BFSP2: variants seen among roughly 807,000 people sequenced by gnomAD.
BFSP2 encodes the protein phakinin.
BFSP2 carries 38 observed loss-of-function variants against 44.9 expected under a neutral mutation model. That is an observed-to-expected ratio of 0.85 (90% CI 0.65 to 1.11). The LOEUF (loss-of-function observed/expected upper bound fraction) is 1.11, where lower values mean the gene tolerates loss of function less well. BFSP2 is among the 50% of genes least tolerant of loss of function. The probability of loss-of-function intolerance (pLI) is 0.00; values close to 1 mark genes in which losing one functional copy is unlikely to be tolerated. For missense variants in BFSP2, 525 were observed against 533.0 expected (o/e 0.99, Z 0.15); for synonymous variants, 197 against 209.9 (o/e 0.94, Z 0.53).
chr3:133,426,128 G>T (rs1576570342), intron 1 of BFSP2, among the ~76,000 whole-genome samples: 2 of 148,030 alleles, frequency 1.4e-5, no homozygotes, highest in South Asian at 2.2e-4. Flanking sequence ...TTTCTCTTGG[G>T]GACACTTTTC....
At chr3:133,439,906 G>C (rs113491680) in intron 1 of BFSP2, among the ~76,000 whole-genome samples, 13 of 151,862 alleles carry the variant, frequency 8.6e-5, no homozygotes, top group African/African-American at 3.2e-4. Flanking sequence ...GAGAGGGTGA[G>C]AGGTTAGAAA....
intron 4 of BFSP2, among the ~76,000 whole-genome samples, chr3:133,457,352 A>G (rs1233666439): frequency 6.6e-6 from 1 of 152,182 alleles, no homozygotes. Flanking sequence ...GTCTTTTTAA[A>G]TTGACTTTTA....
Position 133,411,899 on chromosome 3 carries a change from T to G in BFSP2, c.489+11327T>G, listed in dbSNP as rs185009531. On this transcript the variant is annotated intron_variant, in intron 1 of 6. Coordinates refer to ENST00000302334, the MANE Select transcript of BFSP2 (RefSeq NM_003571.4). Reference sequence around the variant, plus strand: ...CAGTAAAAGAGACTAAATTAACATATCAGCCCATCAAAATGGGCTTTATTT... The same window carrying G: ...CAGTAAAAGAGACTAAATTAACATAGCAGCCCATCAAAATGGGCTTTATTT... 2.0e-5 allele frequency among the ~76,000 whole-genome samples: 3 copies of G among 152,316 alleles called. No individual in the cohort carries two copies. The South Asian group carries it at 6.2e-4, about 32-fold the overall frequency.
intron 4 of BFSP2, among the ~76,000 whole-genome samples, chr3:133,457,585 G>A (rs1204951227): frequency 6.6e-6 from 1 of 152,018 alleles, no homozygotes; most frequent in Non-Finnish European, 1.5e-5. Context: ...TACACAAGTA[G>A]TATTCAGAAC....
chr3:133,411,841 G>A (rs1476747679), intron 1 of BFSP2, among the ~76,000 whole-genome samples: 3 of 152,014 alleles, frequency 2.0e-5, no homozygotes, highest in Non-Finnish European at 4.4e-5. Context: ...AAAATTGCAA[G>A]GGAAAGAAGC....
chr3:133,454,139 G>C (rs1453063048), intron 4 of BFSP2, among the ~76,000 whole-genome samples: 4 of 152,256 alleles, frequency 2.6e-5, no homozygotes, highest in African/African-American at 4.8e-5. Flanking sequence ...AGACCTCCTA[G>C]TTAGTCAAGT....
intron 1 of BFSP2, chr3:133,429,677 T>C (rs1184827245): frequency 1.3e-5 from 2 of 152,164 alleles, no homozygotes; most frequent in African/African-American, 2.4e-5. Flanking sequence ...AAATCTATCA[T>C]TTCATTGTAT....
intron 1 of BFSP2, among the ~76,000 whole-genome samples, chr3:133,423,585 A>G (rs973035264): frequency 5.3e-5 from 8 of 151,628 alleles, no homozygotes; most frequent in African/African-American, 1.7e-4. Flanking sequence ...GGTAGGAATG[A>G]GCATTTGCAC....
chr3:133,474,991 T>G lies in BFSP2; in HGVS notation c.*19T>G. ...CAGCTGATGGAGAAACTTCCTCTTT[T>G]TCATGAAGAAAACACCCTTCCTCAA... is the stretch of plus-strand genomic sequence containing the variant. On this transcript the variant is annotated 3_prime_UTR_variant, in exon 7 of 7. Transcript: ENST00000302334. 6.2e-7 allele frequency: 1 copy of G among 1,614,132 alleles called. No individual in the cohort carries two copies. The highest frequency in any genetic ancestry group is 1.1e-5 in the South Asian group (1 of 91,078).
At chr3:133,453,986 A>G (rs570655762) in intron 4 of BFSP2, among the ~76,000 whole-genome samples, 1 of 152,310 alleles carries the variant, frequency 6.6e-6, no homozygotes, top group East Asian at 1.9e-4. Flanking sequence ...TGTATGATTC[A>G]GTGATGACAG....
At chr3:133,449,979 A>AG (rs2073943297) in intron 3 of BFSP2, among the ~76,000 whole-genome samples, 1 of 83,204 alleles carries the variant, frequency 1.2e-5, no homozygotes. Flanking sequence ...GAAGGAAAGA[A>AG]GGAAAGGAAG....
intron 1 of BFSP2, among the ~76,000 whole-genome samples, chr3:133,411,448 T>C (rs909639270): frequency 6.6e-6 from 1 of 152,136 alleles, no homozygotes; most frequent in African/African-American, 2.4e-5. Context: ...AATAATCAAA[T>C]GGCTATGACC....
intron 4 of BFSP2, 120 bp from the exon 5 acceptor site, chr3:133,466,708 C>T (rs984787637): frequency 4.1e-5 from 14 of 340,028 alleles, no homozygotes; most frequent in Non-Finnish European, 7.1e-5. Context: ...GATGTTTCCA[C>T]GTGACAGCTG....
intron 1 of BFSP2, among the ~76,000 whole-genome samples, chr3:133,407,128 T>C (rs897321117): frequency 3.3e-5 from 5 of 152,068 alleles, no homozygotes; most frequent in African/African-American, 1.2e-4. Context: ...AAACCTGTAG[T>C]CCCAGGTATT....
At chr3:133,422,568 A>G (rs925054571) in intron 1 of BFSP2, among the ~76,000 whole-genome samples, 6 of 152,108 alleles carry the variant, frequency 3.9e-5, no homozygotes, top group Admixed American at 3.3e-4. Flanking sequence ...ACTGCTCCCC[A>G]TCATCTCTGA....
chr3:133,448,980 T>C (rs1241656843), intron 3 of BFSP2: 2 of 302,506 alleles, frequency 6.6e-6, no homozygotes, highest in Non-Finnish European at 1.3e-5. Flanking sequence ...TTCAACACTG[T>C]ATTATACAAA....
chr3:133,439,207 C>T (rs539502972), intron 1 of BFSP2, among the ~76,000 whole-genome samples: 3 of 152,290 alleles, frequency 2.0e-5, no homozygotes, highest in East Asian at 1.9e-4. Context: ...TGCTTCTATG[C>T]GGGGTTTTTA....
intron 4 of BFSP2, among the ~76,000 whole-genome samples, chr3:133,450,950 A>C (rs562318823): frequency 6.6e-6 from 1 of 152,230 alleles, no homozygotes; most frequent in African/African-American, 2.4e-5. Context: ...TCTCTACTAA[A>C]AATACAAAAA....
Position 133,424,226 on chromosome 3 carries a change from T to TGTGTGTGTG in BFSP2, c.490-23091_490-23090insGTGTGTGTG, listed in dbSNP as rs1313449511. Among the ~76,000 whole-genome samples, 4 of 128,956 alleles carry TGTGTGTGTG rather than the reference T, an allele frequency of 3.1e-5. No homozygotes were observed. The East Asian group carries it at 8.1e-4, about 26-fold the overall frequency. The allele number at this position is 128,956 out of a possible 152,430, so 84.6% of individuals were successfully genotyped here. A position where few individuals can be genotyped will look rare whatever the true frequency, so the allele number is the denominator to read the frequency against. On this transcript the variant is annotated intron_variant, in intron 1 of 6. Transcript: ENST00000302334. ...GCGTCCAGCTAATTTTTTTTTTTTT[T>TGTGTGTGTG]TTTTTTTTTTTTTTTGTATTTTTAG...
Sources: allele counts gnomAD v4.1 joint callset (sites outside exome capture counted in the v4.1 genomes callset), GRCh38; gene constraint gnomAD v4.1.1; transcripts MANE v1.5; gene names NCBI Gene and HGNC (gene_info 2026-07-23, HGNC 2026-07-21).